MYO19: variants seen among roughly 807,000 people sequenced by gnomAD.
MYO19 encodes the protein myosin XIX.
In MYO19, 132 loss-of-function variants were observed where a neutral mutation model predicts 129.2. The observed-to-expected ratio is 1.02, with a 90% CI of 0.89 to 1.18. MYO19 has a LOEUF of 1.18. MYO19 is among the 50% of genes most tolerant of loss of function. The probability of loss-of-function intolerance (pLI) is 0.00; values close to 1 mark genes in which losing one functional copy is unlikely to be tolerated. For missense variants in MYO19, 1,210 were observed against 1,216.7 expected (o/e 0.99, Z 0.08); for synonymous variants, 531 against 477.2 (o/e 1.11, Z -1.47).
At chr17:36,501,371 G>C (rs915947468) in intron 21 of MYO19, 136 bp from the exon 22 acceptor site, 10 of 935,570 alleles carry the variant, frequency 1.1e-5, no homozygotes, top group Non-Finnish European at 1.6e-5. Context: ...TTTTCTCCTT[G>C]TTCTTCTTTT....
intron 2 of MYO19, among the ~76,000 whole-genome samples, chr17:36,540,372 CTTTTTTTTT>C (rs532388058): frequency 7.2e-6 from 1 of 138,728 alleles, no homozygotes; most frequent in African/African-American, 2.6e-5. Context: ...ATTCTACTGT[CTTTTTTTTT>C]TTTTTTTGAG....
Position 36,496,129 on chromosome 17 carries a change from G to A in MYO19, c.*122C>T, listed in dbSNP as rs181750838. The A allele has an allele frequency of 1.5e-4, 199 of 1,343,524 alleles. No individual in the cohort carries two copies. The highest frequency in any genetic ancestry group is 3.9e-4 in the South Asian group (29 of 75,228). 83.2% of individuals were successfully genotyped at this position (1,343,524 alleles called of 1,614,324 possible). Reference sequence around the variant, plus strand: ...GGGCTCTGGGTCGAAGGCTGGAGCCGTCACTGTTGTTCATGTGCATTTGGA... The same window carrying A: ...GGGCTCTGGGTCGAAGGCTGGAGCCATCACTGTTGTTCATGTGCATTTGGA... On this transcript the variant is annotated 3_prime_UTR_variant, in exon 26 of 26. Coordinates refer to ENST00000614623, the MANE Select transcript of MYO19 (RefSeq NM_001163735.2).
Position 36,528,049 on chromosome 17 carries a change from A to T in MYO19, c.151+15T>A. 2.5e-6 allele frequency: 4 copies of T among 1,607,070 alleles called. No homozygotes were observed. Among genetic ancestry groups the T allele is most frequent in the Non-Finnish European group, 3.4e-6 (4 of 1,174,184 alleles). On this transcript the variant is annotated intron_variant, in intron 4 of 25. Coordinates refer to ENST00000614623, the MANE Select transcript of MYO19 (RefSeq NM_001163735.2). ...CTCCTGGAGATGATACTCCTGAGGA[A>T]TGGGAGGCCCATACCTGTCTCTAGT...
intron 11 of MYO19, chr17:36,512,591 C>T (rs550253642): frequency 3.2e-5 from 40 of 1,267,142 alleles, no homozygotes; most frequent in East Asian, 1.7e-4. Flanking sequence ...ACTCCTGCCC[C>T]GACTCCCAGT....
At chr17:36,499,678 T>TTTTTC (rs2071362128) in intron 23 of MYO19, 1 of 129,390 alleles carries the variant, frequency 7.7e-6, no homozygotes, top group Non-Finnish European at 1.6e-5. Context: ...TTTTTTTTTT[T>TTTTTC]TTTTTTTTTT....
upstream of MYO19, chr17:36,538,722 AAT>A: frequency 1.0e-6 from 1 of 992,938 alleles, no homozygotes; most frequent in Non-Finnish European, 1.5e-6. Context: ...TTTATTATAA[AAT>A]AGTTTCAGTC....
In MYO19 at chr17:36,532,613, C is replaced by T; in HGVS notation, c.-75G>A. 6.5e-7 allele frequency: 1 copy of T among 1,528,524 alleles called. No homozygotes were observed. 94.7% of individuals were successfully genotyped at this position (1,528,524 alleles called of 1,614,324 possible). On this transcript the variant is annotated 5_prime_UTR_variant, in exon 3 of 26. It removes an upstream start codon present in the reference 5' UTR. Transcript: ENST00000614623. ...AGTACTATCCACCTAGTCATGGGACCATGGGCTGGGGTATGGTTCCAACAA... is the reference window on the plus strand; with the variant it reads ...AGTACTATCCACCTAGTCATGGGACTATGGGCTGGGGTATGGTTCCAACAA...
Position 36,498,424 on chromosome 17 carries a change from C to G in MYO19, c.2599G>C (p.Gly867Arg), listed in dbSNP as rs1205760148. ...ATAGCCGTATTGGCCAGGACCAGTCCCAGGGGCCAGAGGCGGATTATTGCC... is the reference window on the plus strand; with the variant it reads ...ATAGCCGTATTGGCCAGGACCAGTCGCAGGGGCCAGAGGCGGATTATTGCC... ...LEAIIRLWPLGLVLANTAMGV... is the reference protein window; with the variant it reads ...LEAIIRLWPLRLVLANTAMGV... The change falls in exon 25 of 26, where the codon GGA becomes CGA. Residue 867 changes from glycine (G) to arginine (R), a missense_variant. By Grantham distance (125) the Gly-to-Arg change is moderately radical. Transcript: ENST00000614623. 6.8e-6 allele frequency: 11 copies of G among 1,614,014 alleles called. No individual in the cohort carries two copies. Among genetic ancestry groups the G allele is most frequent in the Non-Finnish European group, 7.6e-6 (9 of 1,179,886 alleles).
chr17:36,495,733 A>C lies in MYO19; in HGVS notation c.*518T>G, dbSNP rs1567719798. 5 of 1,247,028 alleles carry C rather than the reference A, an allele frequency of 4.0e-6. No homozygotes were observed. Among genetic ancestry groups the C allele is most frequent in the African/African-American group, 3.1e-5 (2 of 64,754 alleles). The allele number at this position is 1,247,028 out of a possible 1,614,324, so 77.2% of individuals were successfully genotyped here. A position where few individuals can be genotyped will look rare whatever the true frequency, so the allele number is the denominator to read the frequency against. ...GAGTTAAACTTGGTCAGTGTTAATA[A>C]AATCAAAACGTGATTCTACTGTACA... On this transcript the variant is annotated 3_prime_UTR_variant, in exon 26 of 26. Coordinates refer to ENST00000614623, the MANE Select transcript of MYO19 (RefSeq NM_001163735.2).
chr17:36,504,446 C>T (rs550371870), intron 19 of MYO19: 1 of 164,202 alleles, frequency 6.1e-6, no homozygotes, highest in Non-Finnish European at 1.3e-5. Flanking sequence ...GTGACCTGAA[C>T]CCAGGTCTTT....
upstream of MYO19, chr17:36,538,284 T>C (rs2074171167): frequency 7.4e-6 from 12 of 1,613,424 alleles, no homozygotes; most frequent in Non-Finnish European, 1.0e-5. Flanking sequence ...TGATATAATT[T>C]TGAGTTTTGC....
chr17:36,541,798 AAAGTACATAGGATAATTCTCAAG>A (rs1486113681), intron 2 of MYO19, among the ~76,000 whole-genome samples: 1 of 152,234 alleles, frequency 6.6e-6, no homozygotes, highest in Non-Finnish European at 1.5e-5. Context: ...TTTTCATTTT[AAAGTACATAGGATAATTCTCAAG>A]AAGTATTTGC....
In MYO19 at chr17:36,529,154, T is replaced by C. The variant is rs572212986; in HGVS notation, c.13-952A>G. The stretch of plus-strand genomic sequence containing the variant: ...GGTCCTTTCTCCTCCCTTGCCTATC[T>C]TTTTTTTTTCCTTTCTTTTTTAAGA... On this transcript the variant is annotated intron_variant, in intron 3 of 25. Transcript: ENST00000614623. Among the ~76,000 whole-genome samples, 164 of 130,376 alleles carry C rather than the reference T, an allele frequency of 1.3e-3. 1 individual carries two copies. The highest frequency in any genetic ancestry group is 5.1e-3 in the African/African-American group (150 of 29,468). 85.5% of individuals were successfully genotyped at this position (130,376 alleles called of 152,430 possible).
At position 36,500,875 on chromosome 17, in the gene MYO19, G is replaced by C. The variant is rs371727673; in HGVS notation, c.2332C>G (p.Arg778Gly). 6.2e-7 allele frequency: 1 copy of C among 1,605,510 alleles called. No homozygotes were observed. The highest frequency in any genetic ancestry group is 8.5e-7 in the Non-Finnish European group (1 of 1,179,190). The change falls in exon 23 of 26, where the codon CGA becomes GGA. Residue 778 changes from arginine (R) to glycine (G), a missense_variant. Arg to Gly is a moderately radical substitution (Grantham distance 125, BLOSUM62 -2). Coordinates refer to ENST00000614623, the MANE Select transcript of MYO19 (RefSeq NM_001163735.2). ...IQGGWRRHRHREQERQWRAVM... is the reference protein window; with the variant it reads ...IQGGWRRHRHGEQERQWRAVM... The stretch of plus-strand genomic sequence containing the variant: ...GCCCGCCACTGCCGCTCCTGCTCTC[G>C]GTGCCGGTGTCGCCTCCAGCCACCC...
Position 36,506,976 on chromosome 17 carries a change from A to G in MYO19, c.1631T>C (p.Val544Ala). The G allele has an allele frequency of 1.9e-6, 3 of 1,596,916 alleles. No homozygotes were observed. The highest frequency in any genetic ancestry group is 2.6e-6 in the Non-Finnish European group (3 of 1,167,028). Reference sequence around the variant, plus strand: ...CCCAGCCCGTACCTTGTTCTTCTCCACCAGGCCTGCTGTGTGGTACCGCAC... The same window carrying G: ...CCCAGCCCGTACCTTGTTCTTCTCCGCCAGGCCTGCTGTGTGGTACCGCAC... ...GPVRYHTAGL[V>A]EKNKDPIPPE... Residue 544 changes from valine (V) to alanine (A), a missense_variant, in exon 17 of 26, where the codon GTG (valine) becomes GCG (alanine). Transcript: ENST00000614623.
chr17:36,539,973 G>T (rs1043923061), intron 2 of MYO19, among the ~76,000 whole-genome samples: 1 of 151,840 alleles, frequency 6.6e-6, no homozygotes, highest in African/African-American at 2.4e-5. Context: ...GGGGCAAATG[G>T]CAGAGAACAT....
chr17:36,499,334 T>C (rs961642160), intron 23 of MYO19, 174 bp from the exon 24 acceptor site: 13 of 462,296 alleles, frequency 2.8e-5, no homozygotes, highest in African/African-American at 2.4e-4. Context: ...AAATTGGCTT[T>C]TAAACATTCC....
At chr17:36,502,156 C>A (rs2071577647) in intron 21 of MYO19, among the ~76,000 whole-genome samples, 1 of 151,474 alleles carries the variant, frequency 6.6e-6, no homozygotes. Flanking sequence ...GAGGCGGGGC[C>A]CCCCGGCAGC....
chr17:36,533,698 C>T (rs941266725), intron 2 of MYO19: 4 of 152,180 alleles, frequency 2.6e-5, no homozygotes, highest in African/African-American at 7.2e-5. Context: ...AGATCCTGAC[C>T]CTGGACACTG....
Sources: gnomAD v4.1 joint callset for allele counts (sites outside exome capture counted in the v4.1 genomes callset) on GRCh38, gnomAD v4.1.1 for gene constraint, MANE v1.5 for transcripts, NCBI Gene and HGNC (gene_info 2026-07-23, HGNC 2026-07-21) for gene names.